The following TMEM132B variants were observed in gnomAD, a reference collection of about 807,000 sequenced individuals.
TMEM132B encodes transmembrane protein 132B.
A neutral mutation model predicts 90.8 loss-of-function variants in TMEM132B; 18 were observed. That is an observed-to-expected ratio of 0.20 (90% CI 0.14 to 0.29). The LOEUF is 0.29. TMEM132B is among the 10% of genes least tolerant of loss of function. The pLI is 1.00. For synonymous variants in TMEM132B, 504 were observed against 523.3 expected, an observed-to-expected ratio of 0.96 and a Z score of 0.50; for missense variants, 1,096 against 1,326.8, an observed-to-expected ratio of 0.83 and a Z score of 2.70.
At chr12:125,506,374 G>A (rs1882848542) in intron 3 of TMEM132B, among the ~76,000 whole-genome samples, 1 of 152,156 alleles carries the variant, frequency 6.6e-6, no homozygotes, top group South Asian at 2.1e-4. Flanking sequence ...TGTGGCAAGC[G>A]AGTTGTCTGA....
chr12:125,369,778 G>T (rs2136268296), intron 2 of TMEM132B, among the ~76,000 whole-genome samples: 1 of 152,334 alleles, frequency 6.6e-6, no homozygotes, highest in South Asian at 2.1e-4. Context: ...GGCCGGGCGT[G>T]GTGGCTTATG....
intron 4 of TMEM132B, among the ~76,000 whole-genome samples, chr12:125,530,123 T>G (rs548625119): frequency 6.6e-6 from 1 of 152,192 alleles, no homozygotes; most frequent in African/African-American, 2.4e-5. Flanking sequence ...TTATGTTGAG[T>G]GTAATATTCT....
intron 3 of TMEM132B, among the ~76,000 whole-genome samples, chr12:125,454,287 C>G (rs1881229373): frequency 6.6e-6 from 1 of 152,130 alleles, no homozygotes; most frequent in African/African-American, 2.4e-5. Flanking sequence ...TCCACCTTTT[C>G]TCCCTGGCTC....
rs117859992 is a variant in TMEM132B, at chr12:125,212,689, C to T, written c.67+25823C>T. On this transcript the variant is annotated intron_variant, in intron 1 of 8. Coordinates refer to ENST00000682704, the MANE Select transcript of TMEM132B (RefSeq NM_001366854.1). ...AATCTGGGCGACAAGAGCGAAACTC[C>T]GTCTAAAAAAAAAGAAATTCCTGGG... Among the ~76,000 whole-genome samples the T allele has an allele frequency of 7.4e-3, 1,119 of 151,840 alleles. 11 individuals carry two copies. The highest frequency in any genetic ancestry group is 0.06 in the East Asian group (312 of 5,160).
chr12:125,329,993 G>A (rs923216509), intron 1 of TMEM132B, among the ~76,000 whole-genome samples: 1 of 152,246 alleles, frequency 6.6e-6, no homozygotes. Context: ...GGGTTTCAAT[G>A]CAGTAGCCCT....
intron 1 of TMEM132B, among the ~76,000 whole-genome samples, chr12:125,259,241 A>T (rs370363338): frequency 3.9e-4 from 60 of 152,308 alleles, no homozygotes; most frequent in African/African-American, 1.3e-3. Flanking sequence ...TTAAAATCCT[A>T]TGAGAACAGG....
intron 1 of TMEM132B, among the ~76,000 whole-genome samples, chr12:125,317,895 C>G (rs927022627): frequency 6.6e-6 from 1 of 152,166 alleles, no homozygotes. Flanking sequence ...AACACGAAGA[C>G]GTGTGTGAGA....
intron 4 of TMEM132B, among the ~76,000 whole-genome samples, chr12:125,535,711 C>A (rs1398170271): frequency 6.6e-6 from 1 of 152,116 alleles, no homozygotes; most frequent in Non-Finnish European, 1.5e-5. Flanking sequence ...TTAGAAAAGA[C>A]CAAGAGAGGG....
At chr12:125,370,680 A>G (rs541256455) in intron 2 of TMEM132B, among the ~76,000 whole-genome samples, 1 of 152,284 alleles carries the variant, frequency 6.6e-6, no homozygotes, top group African/African-American at 2.4e-5. Context: ...AAGTGCTGGG[A>G]TTATAGGCAT....
chr12:125,257,579 C>G (rs1437340899), intron 1 of TMEM132B, among the ~76,000 whole-genome samples: 1 of 152,148 alleles, frequency 6.6e-6, no homozygotes, highest in African/African-American at 2.4e-5. Flanking sequence ...GAATAAACCT[C>G]CTTTCCACCA....
chr12:125,359,250 G>A (rs1167748219), intron 2 of TMEM132B, among the ~76,000 whole-genome samples: 3 of 152,148 alleles, frequency 2.0e-5, no homozygotes, highest in African/African-American at 4.8e-5. Context: ...ATAACCAGAT[G>A]TGCTTAGTAA....
rs368869198 is a variant in TMEM132B, at chr12:125,592,617, T to G, written c.1437+8623T>G. Among the ~76,000 whole-genome samples the G allele has an allele frequency of 7.2e-5, 11 of 152,258 alleles. No individual in the cohort carries two copies. The South Asian group carries it at 1.7e-3, about 23-fold the overall frequency. ...ACTAGATAAAGCCTGATGGAAAACA[T>G]CAGCAGTCTGGAAAACATCAGCATC... On this transcript the variant is annotated intron_variant, in intron 5 of 8. Coordinates refer to ENST00000682704, the MANE Select transcript of TMEM132B (RefSeq NM_001366854.1).
In TMEM132B at chr12:125,369,020, C is replaced by G. The variant is rs1025616636; in HGVS notation, c.959+18677C>G. On this transcript the variant is annotated intron_variant, in intron 2 of 8. Coordinates refer to ENST00000682704, the MANE Select transcript of TMEM132B (RefSeq NM_001366854.1). ...ATATCTCCTAATGCTATCCCTCCCC[C>G]CTCCCCCGGCCCCATGACAGGCCCC... is the stretch of plus-strand genomic sequence containing the variant. Among the ~76,000 whole-genome samples, 6 of 151,036 alleles carry G rather than the reference C, an allele frequency of 4.0e-5. No individual in the cohort carries two copies. The South Asian group carries it at 6.4e-4, about 16-fold the overall frequency.
At chr12:125,650,063 G>C (rs1327486626) in intron 6 of TMEM132B, among the ~76,000 whole-genome samples, 1 of 152,176 alleles carries the variant, frequency 6.6e-6, no homozygotes, top group Non-Finnish European at 1.5e-5. Flanking sequence ...AGCTCAGGAA[G>C]TTGCTTCTTT....
At chr12:125,528,138 C>CTT (rs111972959) in intron 4 of TMEM132B, among the ~76,000 whole-genome samples, 1,913 of 147,548 alleles carry the variant, frequency 0.013, 27 homozygotes, top group African/African-American at 0.03. Context: ...GTGTCTATTT[C>CTT]TTTTTTTTTT....
chr12:125,352,484 C>T (rs1266314274), intron 2 of TMEM132B, among the ~76,000 whole-genome samples: 1 of 152,186 alleles, frequency 6.6e-6, no homozygotes, highest in Non-Finnish European at 1.5e-5. Flanking sequence ...AGCTGTGTGC[C>T]CTTCGGCAAG....
At chr12:125,196,274 A>T (rs1254421587) in intron 1 of TMEM132B, among the ~76,000 whole-genome samples, 1 of 152,262 alleles carries the variant, frequency 6.6e-6, no homozygotes, top group Non-Finnish European at 1.5e-5. Context: ...GGACCAAATC[A>T]ATATTTCTTA....
intron 1 of TMEM132B, among the ~76,000 whole-genome samples, chr12:125,348,270 T>C (rs1877429224): frequency 6.6e-6 from 1 of 152,192 alleles, no homozygotes; most frequent in Non-Finnish European, 1.5e-5. Flanking sequence ...AAATAATAAT[T>C]GTGGGTGAAT....
intron 1 of TMEM132B, among the ~76,000 whole-genome samples, chr12:125,299,008 C>T (rs948286676): frequency 3.9e-5 from 6 of 152,056 alleles, no homozygotes; most frequent in African/African-American, 1.2e-4. Flanking sequence ...GCTGGGATTA[C>T]AGGCGTGAGC....
Sources: gnomAD v4.1 joint callset for allele counts (sites outside exome capture counted in the v4.1 genomes callset) on GRCh38, gnomAD v4.1.1 for gene constraint, MANE v1.5 for transcripts, NCBI Gene and HGNC (gene_info 2026-07-23, HGNC 2026-07-21) for gene names.